Variants in ZNF438 observed in about 807,000 individuals in gnomAD.
The protein encoded by ZNF438 is zinc finger protein 438.
ZNF438 carries 25 observed loss-of-function variants against 38.0 expected under a neutral mutation model. The observed-to-expected ratio is 0.66, with a 90% CI of 0.48 to 0.92. ZNF438 has a LOEUF of 0.92. ZNF438 is among the 40% of genes least tolerant of loss of function. The pLI, the probability that ZNF438 is intolerant of heterozygous loss-of-function variation, is 0.00. For synonymous variants in ZNF438, 372 were observed against 364.1 expected (o/e 1.02, Z -0.25); for missense variants, 1,007 against 999.6 (o/e 1.01, Z -0.10).
At chr10:30,945,507 T>C (rs1243421883) in intron 1 of ZNF438, among the ~76,000 whole-genome samples, 4 of 151,980 alleles carry the variant, frequency 2.6e-5, no homozygotes, top group Non-Finnish European at 5.9e-5. Context: ...ACCCACTAAC[T>C]CATCATCTAG....
chr10:30,897,205 G>T (rs1390982295), intron 3 of ZNF438, among the ~76,000 whole-genome samples: 4 of 152,144 alleles, frequency 2.6e-5, no homozygotes, highest in African/African-American at 9.7e-5. Context: ...TATCTGGGTA[G>T]TTTTTTGAGG....
intron 1 of ZNF438, among the ~76,000 whole-genome samples, chr10:30,992,939 C>T (rs372056124): frequency 1.3e-5 from 2 of 152,106 alleles, no homozygotes; most frequent in Non-Finnish European, 2.9e-5. Flanking sequence ...ACTAGCATAT[C>T]GAGTGGAAGA....
Position 30,886,383 on chromosome 10 carries a change from A to G in ZNF438, c.-31-9318T>C, listed in dbSNP as rs547127017. Among the ~76,000 whole-genome samples, 5 of 152,184 alleles carry G rather than the reference A, an allele frequency of 3.3e-5. No homozygotes were observed. In the South Asian group the frequency reaches 1.0e-3, roughly 32 times the overall value. ...AAATTTTTAATGCACTTGAGGATGA[A>G]TTTTCCTGGCTTGTTTTAAGTAATT... On this transcript the variant is annotated intron_variant, in intron 3 of 5. Coordinates refer to ENST00000413025, the Ensembl canonical transcript of ZNF438.
At chr10:31,032,201 C>T (rs962973342), upstream of ZNF438, among the ~76,000 whole-genome samples, 2 of 152,240 alleles carry the variant, frequency 1.3e-5, no homozygotes, top group Admixed American at 6.5e-5. Context: ...AGCTGTCGCC[C>T]TGGGGGCTGG....
intron 1 of ZNF438, among the ~76,000 whole-genome samples, chr10:30,991,568 C>T (rs2053503429): frequency 6.6e-6 from 1 of 152,180 alleles, no homozygotes; most frequent in Non-Finnish European, 1.5e-5. Context: ...AGTTTCTGTG[C>T]AGTGGTGCAA....
chr10:30,912,132 A>C (rs923186575), intron 2 of ZNF438, among the ~76,000 whole-genome samples: 1 of 152,130 alleles, frequency 6.6e-6, no homozygotes, highest in Non-Finnish European at 1.5e-5. Flanking sequence ...TCACAGGCCT[A>C]TCTAGACACT....
chr10:31,010,783 C>T (rs964510888), intron 1 of ZNF438, among the ~76,000 whole-genome samples: 1 of 148,698 alleles, frequency 6.7e-6, no homozygotes, highest in African/African-American at 2.5e-5. Flanking sequence ...TAGGTACTTT[C>T]TTGCATGACT....
At chr10:30,920,436 C>T (rs1024000729) in intron 2 of ZNF438, 5 of 152,114 alleles carry the variant, frequency 3.3e-5, no homozygotes, top group African/African-American at 1.2e-4. Flanking sequence ...AAAAAGGGCT[C>T]TGGTATTTTC....
At chr10:30,956,390 G>C (rs1208882117) in intron 1 of ZNF438, among the ~76,000 whole-genome samples, 2 of 152,178 alleles carry the variant, frequency 1.3e-5, no homozygotes, top group Admixed American at 1.3e-4. Flanking sequence ...ATGGAATACA[G>C]TGTGGTATTC....
intron 1 of ZNF438, among the ~76,000 whole-genome samples, chr10:31,003,640 C>T (rs1210685527): frequency 1.3e-5 from 2 of 152,192 alleles, no homozygotes; most frequent in Non-Finnish European, 2.9e-5. Flanking sequence ...AAAGATGCCA[C>T]TCCTTATCAT....
At chr10:30,874,239 C>G (rs1446985622) in intron 4 of ZNF438, among the ~76,000 whole-genome samples, 1 of 150,822 alleles carries the variant, frequency 6.6e-6, no homozygotes, top group African/African-American at 2.4e-5. Context: ...GCCTCAAACT[C>G]CTATGCTCAA....
intron 1 of ZNF438, among the ~76,000 whole-genome samples, chr10:30,979,437 A>G (rs923580830): frequency 3.9e-5 from 6 of 152,214 alleles, no homozygotes; most frequent in Non-Finnish European, 8.8e-5. Flanking sequence ...GGAACCAAAA[A>G]AGAGCCTGCA....
intron 2 of ZNF438, among the ~76,000 whole-genome samples, chr10:30,917,461 A>G (rs768391817): frequency 2.0e-5 from 3 of 152,126 alleles, no homozygotes; most frequent in Non-Finnish European, 4.4e-5. Flanking sequence ...TACCTAATGT[A>G]TAAGAATGCC....
At chr10:30,874,550 T>TGA (rs2038117218) in intron 4 of ZNF438, among the ~76,000 whole-genome samples, 1 of 152,068 alleles carries the variant, frequency 6.6e-6, no homozygotes, top group African/African-American at 2.4e-5. Flanking sequence ...AGCATTTGAA[T>TGA]GAATGAATGA....
At chr10:30,990,669 G>C (rs547576685) in intron 1 of ZNF438, among the ~76,000 whole-genome samples, 9 of 151,236 alleles carry the variant, frequency 6.0e-5, no homozygotes, top group African/African-American at 2.2e-4. Context: ...GAATTATAGA[G>C]GTCAGAGAAA....
chr10:30,899,836 A>C (rs2041781095), intron 3 of ZNF438, among the ~76,000 whole-genome samples: 1 of 152,134 alleles, frequency 6.6e-6, no homozygotes, highest in African/African-American at 2.4e-5. Context: ...ATTTTAACCA[A>C]CGTAGAAAAT....
intron 1 of ZNF438, among the ~76,000 whole-genome samples, chr10:31,011,094 C>T (rs1014240566): frequency 2.6e-5 from 4 of 151,996 alleles, no homozygotes; most frequent in Non-Finnish European, 4.4e-5. Context: ...CACTTTGTAA[C>T]GGGAGGGTGC....
Position 30,855,587 on chromosome 10 carries a change from C to G in ZNF438, c.38-5220G>C, listed in dbSNP as rs188827475. Among the ~76,000 whole-genome samples the G allele has an allele frequency of 9.9e-5, 15 of 152,244 alleles. 1 individual carries two copies. The highest frequency in any genetic ancestry group is 3.3e-4 in the Admixed American group (5 of 15,288). On this transcript the variant is annotated intron_variant, in intron 4 of 5. Transcript: ENST00000413025. ...CTAAACCAATGTGTTAGTAGAAATGCAAGGCAGGAGAAAGACAGCAAGGCC... is the reference window on the plus strand; with the variant it reads ...CTAAACCAATGTGTTAGTAGAAATGGAAGGCAGGAGAAAGACAGCAAGGCC...
chr10:30,932,381 A>G (rs1321312739), intron 2 of ZNF438, among the ~76,000 whole-genome samples: 1 of 152,218 alleles, frequency 6.6e-6, no homozygotes, highest in Non-Finnish European at 1.5e-5. Context: ...ACATATGAAT[A>G]AGAGCTAATA....
Sources: allele counts gnomAD v4.1 joint callset (sites outside exome capture counted in the v4.1 genomes callset), GRCh38; gene constraint gnomAD v4.1.1; transcripts MANE v1.5; gene names NCBI Gene and HGNC (gene_info 2026-07-23, HGNC 2026-07-21).